Variants in MKLN1 observed in about 807,000 individuals in gnomAD.
The protein encoded by MKLN1 is muskelin.
In MKLN1, 18 loss-of-function variants were observed where a neutral mutation model predicts 99.0. The ratio of observed to expected loss-of-function variants is 0.18; its 90% confidence interval spans 0.13 to 0.27. The LOEUF (loss-of-function observed/expected upper bound fraction) is 0.27. Among genes scored for constraint, MKLN1 ranks in the 10% least tolerant of loss-of-function variants. The pLI is 1.00. For synonymous variants in MKLN1, 288 were observed against 293.2 expected, an observed-to-expected ratio of 0.98 and a Z score of 0.18; for missense variants, 621 against 875.9, an observed-to-expected ratio of 0.71 and a Z score of 3.67.
intron 2 of MKLN1, among the ~76,000 whole-genome samples, chr7:131,151,540 T>C (rs1160481007): frequency 6.6e-6 from 1 of 152,210 alleles, no homozygotes; most frequent in East Asian, 1.9e-4. Flanking sequence ...TAAACTATGA[T>C]CTGTACCCAA....
At chr7:131,484,375 C>T (rs532899488) in intron 17 of MKLN1, among the ~76,000 whole-genome samples, 7 of 152,236 alleles carry the variant, frequency 4.6e-5, no homozygotes, top group Admixed American at 4.6e-4. Context: ...TGAGACTTCA[C>T]TGAATTACTG....
chr7:131,143,072 A>G (rs1487210042), intron 2 of MKLN1: 3 of 490,664 alleles, frequency 6.1e-6, no homozygotes, highest in Non-Finnish European at 1.1e-5. Context: ...TCACTAGTCT[A>G]GTTGTTTTCA....
chr7:131,215,382 A>G (rs1210836512), intron 3 of MKLN1, among the ~76,000 whole-genome samples: 10 of 152,140 alleles, frequency 6.6e-5, no homozygotes, highest in African/African-American at 2.2e-4. Flanking sequence ...GTCTCAGGCT[A>G]TTGCCCAGCC....
At chr7:131,429,362 AGAGT>A (rs1473162241) in intron 9 of MKLN1, among the ~76,000 whole-genome samples, 1 of 152,140 alleles carries the variant, frequency 6.6e-6, no homozygotes, top group African/African-American at 2.4e-5. Flanking sequence ...AGAGAGAGAG[AGAGT>A]GAGGAATGGG....
intron 10 of MKLN1, among the ~76,000 whole-genome samples, chr7:131,441,843 T>TA (rs1194411136): frequency 1.3e-5 from 2 of 152,170 alleles, no homozygotes; most frequent in African/African-American, 4.8e-5. Flanking sequence ...TGTGAGTTAA[T>TA]AAAAAATGGA....
chr7:131,334,741 G>A (rs1008781862), intron 1 of MKLN1, among the ~76,000 whole-genome samples: 2 of 152,184 alleles, frequency 1.3e-5, no homozygotes, highest in African/African-American at 2.4e-5. Context: ...TTGTGGCAAT[G>A]AGTTTGCTGT....
At chr7:131,470,111 C>G (rs923264437) in intron 15 of MKLN1, among the ~76,000 whole-genome samples, 1 of 152,306 alleles carries the variant, frequency 6.6e-6, no homozygotes. Context: ...AAGCAGTCCA[C>G]CCACCTTGAC....
chr7:131,252,565 G>A (rs1027622729), intron 3 of MKLN1, among the ~76,000 whole-genome samples: 2 of 151,956 alleles, frequency 1.3e-5, no homozygotes, highest in African/African-American at 4.8e-5. Context: ...TCCTGACCTC[G>A]TGGTCCATCC....
At chr7:131,189,545 AAC>A (rs1491283031) in intron 2 of MKLN1, among the ~76,000 whole-genome samples, 62 of 67,992 alleles carry the variant, frequency 9.1e-4, no homozygotes, top group South Asian at 5.4e-3. Context: ...CAAAAAAAAA[AAC>A]ACAAAACTCC....
chr7:131,164,217 C>T (rs899960305), intron 2 of MKLN1, among the ~76,000 whole-genome samples: 1 of 152,126 alleles, frequency 6.6e-6, no homozygotes. Flanking sequence ...GCTCAAGCAA[C>T]CCTCCCAACT....
At chr7:131,132,554 G>GA (rs1459692160) in intron 1 of MKLN1, among the ~76,000 whole-genome samples, 3 of 152,244 alleles carry the variant, frequency 2.0e-5, no homozygotes, top group Non-Finnish European at 4.4e-5. Flanking sequence ...CTGTCGTATG[G>GA]AAAAAAGTCT....
chr7:131,139,192 T>C (rs142483551), intron 1 of MKLN1, among the ~76,000 whole-genome samples: 55 of 152,240 alleles, frequency 3.6e-4, no homozygotes, highest in Non-Finnish European at 5.7e-4. Context: ...AGAAATTTCA[T>C]GGGAAGGTCT....
chr7:131,262,641 C>G (rs1797749586), intron 3 of MKLN1, among the ~76,000 whole-genome samples: 1 of 151,908 alleles, frequency 6.6e-6, no homozygotes, highest in Non-Finnish European at 1.5e-5. Context: ...ACCTCCACCT[C>G]CTGGGTTCAA....
chr7:131,276,330 T>G (rs1413866506), intron 3 of MKLN1, among the ~76,000 whole-genome samples: 1 of 151,964 alleles, frequency 6.6e-6, no homozygotes, highest in Non-Finnish European at 1.5e-5. Flanking sequence ...GATGTGCACT[T>G]GAATCCAGAA....
chr7:131,381,937 G>T (rs537975912), intron 2 of MKLN1, among the ~76,000 whole-genome samples: 12 of 152,144 alleles, frequency 7.9e-5, no homozygotes, highest in East Asian at 1.9e-4. Context: ...CATTATTCAG[G>T]TAATAATAGT....
intron 3 of MKLN1, among the ~76,000 whole-genome samples, chr7:131,322,616 T>C (rs1020918279): frequency 7.0e-6 from 1 of 142,752 alleles, no homozygotes; most frequent in Admixed American, 7.5e-5. Context: ...CAGGCCGGAC[T>C]GCGGACTGCA....
intron 2 of MKLN1, among the ~76,000 whole-genome samples, chr7:131,150,405 T>C (rs1230632717): frequency 6.6e-6 from 1 of 152,156 alleles, no homozygotes; most frequent in Non-Finnish European, 1.5e-5. Context: ...AAGGATCCCC[T>C]GAGCCCAGGA....
chr7:131,495,817 T>C lies in MKLN1; in HGVS notation c.*8089T>C, dbSNP rs890567769. On this transcript the variant is annotated 3_prime_UTR_variant, in exon 18 of 18. Transcript: ENST00000352689. Reference sequence around the variant, plus strand: ...TAGGGAGCTGCCTTGCTCAGGTCATTGGAAATTTCAACCCTAAGACTCATT... The same window carrying C: ...TAGGGAGCTGCCTTGCTCAGGTCATCGGAAATTTCAACCCTAAGACTCATT... The C allele has an allele frequency of 1.3e-5, 2 of 152,190 alleles. No homozygotes were observed. The highest frequency in any genetic ancestry group is 4.8e-5 in the African/African-American group (2 of 41,434). The allele number at this position is 152,190 out of a possible 1,614,324, so 9.4% of individuals were successfully genotyped here. A position where few individuals can be genotyped will look rare whatever the true frequency, so the allele number is the denominator to read the frequency against.
At position 131,457,277 on chromosome 7, in the gene MKLN1, C is replaced by CAA. The variant is rs1232469803; in HGVS notation, c.1526-5928_1526-5927dup. ...GGGCAACAAGAGCGAAACTCCATCT[C>CAA]AAAAAAAAAAAAAGATGAACCAAGA... is the stretch of plus-strand genomic sequence containing the variant. On this transcript the variant is annotated intron_variant, in intron 12 of 17. Coordinates refer to ENST00000352689, the MANE Select transcript of MKLN1 (RefSeq NM_013255.5). 7.7e-3 allele frequency among the ~76,000 whole-genome samples: 877 copies of CAA among 113,910 alleles called. 7 individuals carry two copies. Among genetic ancestry groups the CAA allele is most frequent in the African/African-American group, 0.027 (824 of 30,310 alleles). The allele number at this position is 113,910 out of a possible 152,430, so 74.7% of individuals were successfully genotyped here.
Sources: gnomAD v4.1 joint callset for allele counts (sites outside exome capture counted in the v4.1 genomes callset) on GRCh38, gnomAD v4.1.1 for gene constraint, MANE v1.5 for transcripts, NCBI Gene and HGNC (gene_info 2026-07-23, HGNC 2026-07-21) for gene names.